POLR2B: variants seen among roughly 807,000 people sequenced by gnomAD.
POLR2B encodes DNA-directed RNA polymerase II subunit RPB2.
In POLR2B, 57 loss-of-function variants were observed where a neutral mutation model predicts 144.6. That is an observed-to-expected ratio of 0.39 (90% CI 0.32 to 0.49). The LOEUF (loss-of-function observed/expected upper bound fraction) is 0.49. Ranked by LOEUF, POLR2B falls within the 20% of genes least tolerant of loss-of-function variation. POLR2B has a pLI of 0.83. For synonymous variants in POLR2B, 442 were observed against 469.8 expected, an observed-to-expected ratio of 0.94 and a Z score of 0.77; for missense variants, 595 against 1,467.4, an observed-to-expected ratio of 0.41 and a Z score of 9.71.
rs1223269416 is a variant in POLR2B, at chr4:57,023,800, T to A, written c.2856+49T>A. On this transcript the variant is annotated intron_variant, in intron 20 of 24. Transcript: ENST00000314595. This position sits in a 1 kb window ranked among gnomAD's most constrained non-coding sequence, Gnocchi z 4.3. ...TGCCCAAACCAGTTTTGTTAAATAT[T>A]TTTTTTTTAATCAAAATTTGCTTTA... 7.8e-6 allele frequency: 10 copies of A among 1,281,702 alleles called. No homozygotes were observed. The highest frequency in any genetic ancestry group is 6.7e-5 in the Admixed American group (3 of 44,840). The allele number at this position is 1,281,702 out of a possible 1,614,324, so 79.4% of individuals were successfully genotyped here. A position where few individuals can be genotyped will look rare whatever the true frequency, so the allele number is the denominator to read the frequency against.
intron 8 of POLR2B, 39 bp from the exon 9 acceptor site, chr4:57,005,561 G>A: frequency 4.6e-6 from 7 of 1,528,786 alleles, no homozygotes; most frequent in Non-Finnish European, 6.1e-6. Flanking sequence ...AAAACTAAGT[G>A]TTTTCCCTCT....
chr4:57,017,119 A>G lies in POLR2B; in HGVS notation c.2032A>G (p.Thr678Ala), dbSNP rs767530900. The change falls in exon 15 of 25, where the codon ACT becomes GCT. Residue 678 changes from threonine to alanine, a missense_variant. By Grantham distance (58) the Thr-to-Ala change is moderately conservative (BLOSUM62 0). Transcript: ENST00000314595. The surrounding 1 kb of genome is among the most constrained non-coding windows in gnomAD (Gnocchi z 4.8). ...AGAAGAAACAGTGATGCTTGCAATGACTCCAGATGATTTACAGGAGAAAGA... is the reference window on the plus strand; with the variant it reads ...AGAAGAAACAGTGATGCTTGCAATGGCTCCAGATGATTTACAGGAGAAAGA... ...LEEETVMLAMTPDDLQEKEVA... is the reference protein window; with the variant it reads ...LEEETVMLAMAPDDLQEKEVA... 1.2e-6 allele frequency: 2 copies of G among 1,611,992 alleles called. No individual in the cohort carries two copies. The highest frequency in any genetic ancestry group is 1.1e-5 in the South Asian group (1 of 91,022).
Position 57,025,004 on chromosome 4 carries a change from A to T in POLR2B, c.3078+5A>T. On this transcript the variant is annotated splice_donor_5th_base_variant and intron_variant, in intron 22 of 24. Coordinates refer to ENST00000314595, the MANE Select transcript of POLR2B (RefSeq NM_000938.3). ...TATCATCTCAGAGGAAATGAGGTATATTTGCTCTTATAGTAGTAATTTGCC... is the reference window on the plus strand; with the variant it reads ...TATCATCTCAGAGGAAATGAGGTATTTTTGCTCTTATAGTAGTAATTTGCC... The T allele has an allele frequency of 7.3e-7, 1 of 1,372,028 alleles. No individual in the cohort carries two copies. The highest frequency in any genetic ancestry group is 1.0e-6 in the Non-Finnish European group (1 of 973,260). 85.0% of individuals were successfully genotyped at this position (1,372,028 alleles called of 1,614,324 possible).
chr4:57,027,852 A>G (rs1231886023), intron 23 of POLR2B, among the ~76,000 whole-genome samples: 1 of 152,232 alleles, frequency 6.6e-6, no homozygotes, highest in Middle Eastern at 3.2e-3. Context: ...ACACTTCATT[A>G]TAATAAAAAA....
At chr4:56,979,092 C>G (rs1409437517) in intron 1 of POLR2B, 88 bp downstream of exon 1, 6 of 1,357,262 alleles carry the variant, frequency 4.4e-6, no homozygotes, top group South Asian at 2.3e-5. Context: ...TTGGGGCCTT[C>G]CCATGCGCCG....
At chr4:57,013,376 T>C (rs1262137322) in intron 13 of POLR2B, among the ~76,000 whole-genome samples, 2 of 142,908 alleles carry the variant, frequency 1.4e-5, no homozygotes, top group Non-Finnish European at 3.1e-5. Flanking sequence ...CAAAAAAATG[T>C]CTCTCTCTGT....
Position 56,978,943 on chromosome 4 carries a change from C to T in POLR2B, c.-43C>T, listed in dbSNP as rs762289494. 1.9e-6 allele frequency: 3 copies of T among 1,607,682 alleles called. No individual in the cohort carries two copies. Among genetic ancestry groups the T allele is most frequent in the South Asian group, 1.1e-5 (1 of 90,938 alleles). On this transcript the variant is annotated 5_prime_UTR_variant, in exon 1 of 25. Coordinates refer to ENST00000314595, the MANE Select transcript of POLR2B (RefSeq NM_000938.3). ...CTGCTGGCTTCTGGGCGGTTTTTGT[C>T]TTTTGATTTCAAGAGTTAGGAGCTC...
At chr4:56,979,947 G>T (rs1434320201) in intron 1 of POLR2B, among the ~76,000 whole-genome samples, 1 of 150,974 alleles carries the variant, frequency 6.6e-6, no homozygotes, top group Admixed American at 6.6e-5. Context: ...TTTCGTAGCC[G>T]CCTTTTCCAT....
At position 57,005,828 on chromosome 4, in the gene POLR2B, A is replaced by G. The variant is rs550129012; in HGVS notation, c.1217+109A>G. On this transcript the variant is annotated intron_variant, in intron 9 of 24. Transcript: ENST00000314595. Reference sequence around the variant, plus strand: ...GTGTTGGCATCCACGTTGGGTACTTATGAAATTAGCTACATTCTTATTGCT... The same window carrying G: ...GTGTTGGCATCCACGTTGGGTACTTGTGAAATTAGCTACATTCTTATTGCT... 53 of 967,112 alleles carry G rather than the reference A, an allele frequency of 5.5e-5. No individual in the cohort carries two copies. The African/African-American group carries it at 8.0e-4, about 15-fold the overall frequency. 59.9% of individuals were successfully genotyped at this position (967,112 alleles called of 1,614,324 possible).
chr4:56,996,813 T>TGGTGGCTC (rs1470702046), intron 6 of POLR2B, among the ~76,000 whole-genome samples: 1 of 151,968 alleles, frequency 6.6e-6, no homozygotes, highest in Non-Finnish European at 1.5e-5. Context: ...TGGCCAGGTG[T>TGGTGGCTC]GGTGGCTCAT....
rs967621510 is a variant in POLR2B, at chr4:56,983,367, GGT to G, written c.20-2986_20-2985del. On this transcript the variant is annotated intron_variant, in intron 1 of 24. Coordinates refer to ENST00000314595, the MANE Select transcript of POLR2B (RefSeq NM_000938.3). ...GTTTATAACACGAGATCTCTGCTCA[GGT>G]TTTTTTTTTTTTTTTTTTTTTGAGA... Among the ~76,000 whole-genome samples the G allele has an allele frequency of 2.5e-4, 28 of 111,302 alleles. 1 individual carries two copies. The East Asian group carries it at 6.7e-3, about 27-fold the overall frequency. The allele number at this position is 111,302 out of a possible 152,430, so 73.0% of individuals were successfully genotyped here. A position where few individuals can be genotyped will look rare whatever the true frequency, so the allele number is the denominator to read the frequency against.
At position 57,010,237 on chromosome 4, in the gene POLR2B, G is replaced by T. The variant is rs534051063; in HGVS notation, c.1405-124G>T. The T allele has an allele frequency of 2.2e-4, 193 of 857,776 alleles. No individual in the cohort carries two copies. The South Asian group carries it at 3.4e-3, about 15-fold the overall frequency. The allele number at this position is 857,776 out of a possible 1,614,324, so 53.1% of individuals were successfully genotyped here. A position where few individuals can be genotyped will look rare whatever the true frequency, so the allele number is the denominator to read the frequency against. On this transcript the variant is annotated intron_variant, in intron 10 of 24. Transcript: ENST00000314595. Reference sequence around the variant, plus strand: ...TGTCAAACAACATTATTCAGGGAAAGAATAGAGAAATGGGGAACAGTTTGA... The same window carrying T: ...TGTCAAACAACATTATTCAGGGAAATAATAGAGAAATGGGGAACAGTTTGA...
intron 12 of POLR2B, 29 bp downstream of exon 12, chr4:57,010,916 A>G (rs527591841): frequency 1.9e-6 from 3 of 1,600,538 alleles, no homozygotes; most frequent in Admixed American, 3.3e-5. Context: ...AGTTTTTTAA[A>G]CTATAGTTAA....
Position 57,005,320 on chromosome 4 carries a change from A to G in POLR2B, c.975A>G (p.Gly325=), listed in dbSNP as rs148825767. The G allele has an allele frequency of 4.3e-5, 69 of 1,608,320 alleles. No homozygotes were observed. Among genetic ancestry groups the G allele is most frequent in the African/African-American group, 3.1e-4 (23 of 74,818 alleles). ...CACTAAATTTCATTGGTTCAAGAGGAGCAAAGCCTGGTGTTACTAAAGAGA... is the reference window on the plus strand; with the variant it reads ...CACTAAATTTCATTGGTTCAAGAGGGGCAAAGCCTGGTGTTACTAAAGAGA... The part of the protein sequence containing the change: ...NVALNFIGSR[G]AKPGVTKEKR... The change falls in exon 8 of 25, where the codon GGA becomes GGG. Residue 325 remains glycine, a synonymous_variant. Transcript: ENST00000314595.
intron 7 of POLR2B, among the ~76,000 whole-genome samples, chr4:57,003,793 A>G (rs895420589): frequency 6.6e-6 from 1 of 152,122 alleles, no homozygotes. Flanking sequence ...TAGTAAGCCA[A>G]GATGGTGCCA....
At chr4:56,999,212 CTTT>C (rs34081589) in intron 6 of POLR2B, among the ~76,000 whole-genome samples, 23,531 of 124,722 alleles carry the variant, frequency 0.19, 2,162 homozygotes, top group East Asian at 0.33. Flanking sequence ...TGTATTGTCT[CTTT>C]TTTTTTTTTT....
chr4:57,027,489 G>T (rs998058832), intron 23 of POLR2B, among the ~76,000 whole-genome samples: 2 of 151,980 alleles, frequency 1.3e-5, no homozygotes, highest in Admixed American at 1.3e-4. Context: ...ATATTTTTTA[G>T]TAGAGACAGG....
intron 2 of POLR2B, among the ~76,000 whole-genome samples, chr4:56,987,845 G>C (rs938239209): frequency 5.9e-5 from 9 of 151,814 alleles, no homozygotes; most frequent in Admixed American, 5.9e-4. Flanking sequence ...TGATGTCACT[G>C]CACTCCAGCC....
intron 1 of POLR2B, among the ~76,000 whole-genome samples, chr4:56,985,086 CTA>C (rs1388140376): frequency 1.3e-5 from 2 of 152,200 alleles, no homozygotes; most frequent in African/African-American, 4.8e-5. Flanking sequence ...GTAGTATTGA[CTA>C]TGTCTGACAT....
Sources: gnomAD v4.1 joint callset for allele counts (sites outside exome capture counted in the v4.1 genomes callset) on GRCh38, gnomAD v4.1.1 for gene constraint, Gnocchi (gnomAD v3.1) non-coding constraint, MANE v1.5 for transcripts, NCBI Gene and HGNC (gene_info 2026-07-23, HGNC 2026-07-21) for gene names.